The following BLTP1 variants were observed in gnomAD, a reference collection of about 807,000 sequenced individuals.
BLTP1 encodes fragile site-associated protein.
the BLTP1 span, chr4:122,353,241 G>T: frequency 1.7e-5 from 26 of 1,536,760 alleles, no homozygotes; most frequent in Non-Finnish European, 2.3e-5. The surrounding 1 kb of genome is among the most constrained non-coding windows in gnomAD (Gnocchi z 4.3). Flanking sequence ...GTCCATCTCT[G>T]TTTGTTATCA....
the BLTP1 span, chr4:122,316,293 G>A: frequency 2.4e-6 from 1 of 420,816 alleles, no homozygotes; most frequent in East Asian, 7.2e-5. Context: ...CCATGAAATA[G>A]TTTTGTTCTT....
chr4:122,279,799 C>A, the BLTP1 span: 1 of 1,613,740 alleles, frequency 6.2e-7, no homozygotes. Context: ...GTAGTATTGC[C>A]AAGTCCCAAG....
At chr4:122,257,585 C>G in the BLTP1 span, 12 of 1,238,584 alleles carry the variant, frequency 9.7e-6, no homozygotes, top group Non-Finnish European at 1.4e-5. Flanking sequence ...ATGTTTTTTG[C>G]TTAGATATTA....
the BLTP1 span, chr4:122,306,880 A>G: frequency 5.9e-6 from 1 of 170,224 alleles, no homozygotes; most frequent in Admixed American, 6.5e-5. Flanking sequence ...GACATAGGCT[A>G]GTAACAGAAT....
At chr4:122,316,742 A>G in the BLTP1 span, 37 of 1,609,922 alleles carry the variant, frequency 2.3e-5, no homozygotes, top group Non-Finnish European at 3.1e-5. Flanking sequence ...GAAGCCACAG[A>G]TTATCGAAGA....
At chr4:122,215,523 C>T in the BLTP1 span, 1 of 985,282 alleles carries the variant, frequency 1.0e-6, no homozygotes, top group Middle Eastern at 5.2e-4. Context: ...TTCTGGGGGC[C>T]ATTTACAGAT....
chr4:122,259,858 C>CAA, the BLTP1 span: 265 of 663,162 alleles, frequency 4.0e-4, no homozygotes, highest in African/African-American at 1.9e-3. Flanking sequence ...GACGCCATCT[C>CAA]AAAAAAAAAA....
the BLTP1 span, among the ~76,000 whole-genome samples, chr4:122,164,017 C>T: frequency 1.3e-5 from 2 of 152,318 alleles, no homozygotes; most frequent in East Asian, 3.9e-4. Flanking sequence ...CCATTTTACA[C>T]TCAAGGCTAT....
chr4:122,249,293 T>C, the BLTP1 span: 1 of 639,844 alleles, frequency 1.6e-6, no homozygotes, highest in Admixed American at 6.3e-5. Flanking sequence ...TTGTTAATCA[T>C]AAAATCTTCT....
the BLTP1 span, chr4:122,215,293 T>G: frequency 9.2e-6 from 8 of 864,930 alleles, no homozygotes; most frequent in Non-Finnish European, 1.1e-5. Flanking sequence ...TTCTTTTTAC[T>G]GTAATAATCT....
the BLTP1 span, chr4:122,198,010 G>GTTTCT: frequency 2.0e-6 from 2 of 984,650 alleles, no homozygotes; most frequent in Non-Finnish European, 1.2e-6. Context: ...CATCATTAGT[G>GTTTCT]TTTCTGTTGC....
the BLTP1 span, chr4:122,302,293 A>C: frequency 1.0e-6 from 1 of 970,212 alleles, no homozygotes; most frequent in Admixed American, 6.2e-5. Context: ...CATATCCTAT[A>C]CAGGCATACC....
chr4:122,316,729 C>T, the BLTP1 span: 175 of 1,602,666 alleles, frequency 1.1e-4, no homozygotes, highest in Non-Finnish European at 1.4e-4. Flanking sequence ...TTTGACTTTT[C>T]AGGAAGCCAC....
chr4:122,270,999 T>C, the BLTP1 span: 1 of 1,553,854 alleles, frequency 6.4e-7, no homozygotes, highest in Non-Finnish European at 8.7e-7. Context: ...CGTGTCCTTT[T>C]TTTATTTCAC....
the BLTP1 span, among the ~76,000 whole-genome samples, chr4:122,191,309 G>A: frequency 6.6e-6 from 1 of 151,846 alleles, no homozygotes; most frequent in Non-Finnish European, 1.5e-5. Context: ...ATTTGAAAGA[G>A]TAATTAGAGA....
chr4:122,195,415 C>G, the BLTP1 span, among the ~76,000 whole-genome samples: 1 of 150,418 alleles, frequency 6.6e-6, no homozygotes, highest in Non-Finnish European at 1.5e-5. Flanking sequence ...TACAAACCTT[C>G]CTAACATTGT....
chr4:122,341,580 T>G, the BLTP1 span: 1 of 686,994 alleles, frequency 1.5e-6, no homozygotes, highest in East Asian at 1.3e-4. Flanking sequence ...AGAAATTTTT[T>G]ATGCCCAAAT....
At chr4:122,239,485 A>G in the BLTP1 span, 5 of 1,477,136 alleles carry the variant, frequency 3.4e-6, no homozygotes, top group East Asian at 1.1e-4. Flanking sequence ...TGATGTATAG[A>G]AAATGGTAAT....
chr4:122,187,904 G>A, the BLTP1 span: 2 of 1,578,268 alleles, frequency 1.3e-6, no homozygotes, highest in Non-Finnish European at 8.6e-7. Context: ...GGGACGTTTG[G>A]CCTTTGGAAA....
Sources: allele counts gnomAD v4.1 joint callset (sites outside exome capture counted in the v4.1 genomes callset), GRCh38; gene constraint gnomAD v4.1.1; non-coding constraint Gnocchi (gnomAD v3.1); transcripts MANE v1.5; gene names NCBI Gene and HGNC (gene_info 2026-07-23, HGNC 2026-07-21).